Variants in SMOC2 observed in about 807,000 individuals in gnomAD.
SMOC2 encodes the protein SPARC-related modular calcium-binding protein 2.
SMOC2 carries 39 observed loss-of-function variants against 61.4 expected under a neutral mutation model. The ratio of observed to expected loss-of-function variants is 0.64; its 90% CI spans 0.49 to 0.83. The LOEUF is 0.83. Ranked by LOEUF, SMOC2 falls within the 40% of genes least tolerant of loss-of-function variation. SMOC2 has a pLI of 0.00. For synonymous variants in SMOC2, 247 were observed against 239.9 expected, an observed-to-expected ratio of 1.03 and a Z score of -0.27; for missense variants, 556 against 592.9, an observed-to-expected ratio of 0.94 and a Z score of 0.65.
intron 1 of SMOC2, among the ~76,000 whole-genome samples, chr6:168,460,429 T>C (rs1781693696): frequency 6.6e-6 from 1 of 152,228 alleles, no homozygotes; most frequent in Non-Finnish European, 1.5e-5. Flanking sequence ...ATTGCTATAA[T>C]GAGGACATAA....
intron 1 of SMOC2, among the ~76,000 whole-genome samples, chr6:168,450,728 C>G (rs966272138): frequency 1.3e-5 from 2 of 152,124 alleles, no homozygotes; most frequent in Non-Finnish European, 2.9e-5. Flanking sequence ...CATTGATATC[C>G]TTTTAAGAAT....
rs529123373 is a variant in SMOC2, at chr6:168,663,015, G to A, written c.1286-1059G>A. On this transcript the variant is annotated intron_variant, in intron 11 of 12. Coordinates refer to ENST00000356284, the MANE Select transcript of SMOC2 (RefSeq NM_001166412.2). The stretch of plus-strand genomic sequence containing the variant: ...TGAAACTCCACATGGAGATAACGAA[G>A]TTGGATCTGATAATCTGGACTGAGG... Among the ~76,000 whole-genome samples, 3 of 152,340 alleles carry A rather than the reference G, an allele frequency of 2.0e-5. No homozygotes were observed. The East Asian group carries it at 5.8e-4, about 29-fold the overall frequency.
chr6:168,529,721 A>G (rs146777832), intron 4 of SMOC2, among the ~76,000 whole-genome samples: 4 of 152,316 alleles, frequency 2.6e-5, no homozygotes, highest in African/African-American at 9.6e-5. Flanking sequence ...CCCCCCAAAC[A>G]CAGAGAATTT....
chr6:168,528,777 TAAATAGTGCTGGAAATATATCTTTAG>T (rs1337541969), intron 4 of SMOC2, among the ~76,000 whole-genome samples: 1 of 152,246 alleles, frequency 6.6e-6, no homozygotes, highest in African/African-American at 2.4e-5. Context: ...CTCCAGAGCC[TAAATAGTGCTGGAAATATATCTTTAG>T]TTAAGCTAAC....
intron 9 of SMOC2, among the ~76,000 whole-genome samples, chr6:168,611,684 C>T (rs13219254): frequency 1.0e-4 from 15 of 147,876 alleles, no homozygotes; most frequent in African/African-American, 3.5e-4. Context: ...TCTGGCCCTG[C>T]TCTGGTTCCC....
At chr6:168,632,533 G>A (rs544784291) in intron 9 of SMOC2, among the ~76,000 whole-genome samples, 74 of 152,280 alleles carry the variant, frequency 4.9e-4, no homozygotes, top group Non-Finnish European at 8.8e-4. Context: ...TGAAAACACT[G>A]CACCTCCAGT....
In SMOC2 at chr6:168,475,395, G is replaced by A. The variant is rs1182419775; in HGVS notation, c.84+33941G>A. Among the ~76,000 whole-genome samples the A allele has an allele frequency of 6.6e-6, 1 of 152,126 alleles. No individual in the cohort carries two copies. The highest frequency in any genetic ancestry group is 2.4e-5 in the African/African-American group (1 of 41,438). On this transcript the variant is annotated intron_variant, in intron 1 of 12. Coordinates refer to ENST00000356284, the MANE Select transcript of SMOC2 (RefSeq NM_001166412.2). The surrounding 1 kb of genome is among the most constrained non-coding windows in gnomAD (Gnocchi z 4.6). ...GCAGGTGCCAATGTCCCAGGCACAG[G>A]TGGAAACACGTGGTGCGTACAACCT...
chr6:168,443,534 C>T (rs1401341171), intron 1 of SMOC2, among the ~76,000 whole-genome samples: 2 of 152,196 alleles, frequency 1.3e-5, no homozygotes, highest in African/African-American at 4.8e-5. Flanking sequence ...AGATTAAAGC[C>T]ATAACACATT....
At chr6:168,616,563 G>A (rs1786100539) in intron 9 of SMOC2, among the ~76,000 whole-genome samples, 2 of 152,232 alleles carry the variant, frequency 1.3e-5, no homozygotes, top group Admixed American at 6.5e-5. Flanking sequence ...CCACTTGGAA[G>A]AGAGAGCTGA....
At chr6:168,595,330 G>A (rs1041621305) in intron 7 of SMOC2, among the ~76,000 whole-genome samples, 2 of 152,132 alleles carry the variant, frequency 1.3e-5, no homozygotes, top group African/African-American at 2.4e-5. Context: ...TCCCCAAGAC[G>A]GAAATCTCCC....
At chr6:168,587,309 A>G (rs186594695) in intron 7 of SMOC2, among the ~76,000 whole-genome samples, 2 of 152,346 alleles carry the variant, frequency 1.3e-5, no homozygotes, top group African/African-American at 2.4e-5. Context: ...AACCCAAAGT[A>G]TCTGTGACAA....
At chr6:168,639,017 A>C (rs759879303) in intron 9 of SMOC2, among the ~76,000 whole-genome samples, 4 of 152,134 alleles carry the variant, frequency 2.6e-5, no homozygotes, top group Admixed American at 6.5e-5. Flanking sequence ...GCTTCGTTAC[A>C]AATCTAGATG....
intron 4 of SMOC2, among the ~76,000 whole-genome samples, chr6:168,541,422 G>A (rs969597786): frequency 6.6e-6 from 1 of 152,172 alleles, no homozygotes; most frequent in African/African-American, 2.4e-5. Flanking sequence ...CGGCAATCTT[G>A]CTTGTTATAA....
At chr6:168,664,226 TAA>T in intron 12 of SMOC2, 115 bp downstream of exon 12, 1 of 869,998 alleles carries the variant, frequency 1.1e-6, no homozygotes, top group Non-Finnish European at 1.9e-6. Context: ...TCCAAGAAAA[TAA>T]ATAATTCAAG....
At position 168,511,064 on chromosome 6, in the gene SMOC2, G is replaced by A. The variant is rs559675467; in HGVS notation, c.256+978G>A. Among the ~76,000 whole-genome samples, 138 of 152,256 alleles carry A rather than the reference G, an allele frequency of 9.1e-4. 4 individuals are homozygous for A. The South Asian group carries it at 0.028, about 30-fold the overall frequency. ...ATATTGGCATTGCGATCAAGTAGGG[G>A]AAATGACTGATGTTCAGTAATGATG... is the stretch of plus-strand genomic sequence containing the variant. On this transcript the variant is annotated intron_variant, in intron 2 of 12. Coordinates refer to ENST00000356284, the MANE Select transcript of SMOC2 (RefSeq NM_001166412.2).
At chr6:168,657,915 G>A (rs1359415884) in intron 11 of SMOC2, among the ~76,000 whole-genome samples, 4 of 152,186 alleles carry the variant, frequency 2.6e-5, no homozygotes, top group Admixed American at 2.6e-4. Context: ...CTGTATTAGG[G>A]ATTGAGTTTC....
chr6:168,557,412 G>A (rs1051513259), intron 7 of SMOC2, among the ~76,000 whole-genome samples: 1 of 152,122 alleles, frequency 6.6e-6, no homozygotes, highest in African/African-American at 2.4e-5. Flanking sequence ...TTGATTCTCA[G>A]ATTTCAATAT....
At chr6:168,664,714 C>T (rs1239737024) in intron 12 of SMOC2, 1 of 471,018 alleles carries the variant, frequency 2.1e-6, no homozygotes, top group South Asian at 1.5e-5. Flanking sequence ...TTCTGGCTCT[C>T]CCTCTCAATT....
intron 7 of SMOC2, among the ~76,000 whole-genome samples, chr6:168,583,246 T>TGGCTCAGCCCTGCCC (rs1784963100): frequency 6.6e-6 from 1 of 152,124 alleles, no homozygotes; most frequent in South Asian, 2.1e-4. Flanking sequence ...AGCCCGTGCC[T>TGGCTCAGCCCTGCCC]GGCTCAGCCC....
Sources: allele counts gnomAD v4.1 joint callset (sites outside exome capture counted in the v4.1 genomes callset), GRCh38; gene constraint gnomAD v4.1.1; non-coding constraint Gnocchi (gnomAD v3.1); transcripts MANE v1.5; gene names NCBI Gene and HGNC (gene_info 2026-07-23, HGNC 2026-07-21).